OR2C1: variants seen among roughly 807,000 people sequenced by gnomAD.
OR2C1 encodes olfactory receptor family 2 subfamily C member 1.
For synonymous variants in OR2C1, 209 were observed against 167.3 expected, an observed-to-expected ratio of 1.25 and a Z score of -1.92; for missense variants, 468 against 388.3, an observed-to-expected ratio of 1.21 and a Z score of -1.73.
At chr16:3,353,630 G>A (rs139812824), upstream of OR2C1, among the ~76,000 whole-genome samples, 1,751 of 151,794 alleles carry the variant, frequency 0.012, 31 homozygotes, top group African/African-American at 0.04. Context: ...GTGAAACCCC[G>A]CCTCTACTAA....
the OR2C1 span, among the ~76,000 whole-genome samples, chr16:3,327,858 TC>T: frequency 6.6e-6 from 1 of 151,988 alleles, no homozygotes; most frequent in African/African-American, 2.4e-5. Flanking sequence ...ATTTTTTTTT[TC>T]TTGAAACAAT....
chr16:3,325,930 C>CTT, the OR2C1 span, among the ~76,000 whole-genome samples: 472 of 127,960 alleles, frequency 3.7e-3, 6 homozygotes, highest in African/African-American at 0.013. Context: ...CAAGTGCATT[C>CTT]TTTTTTTTTT....
chr16:3,358,116 T>C (rs1181609917), downstream of OR2C1, among the ~76,000 whole-genome samples: 2 of 151,694 alleles, frequency 1.3e-5, no homozygotes, highest in Non-Finnish European at 1.5e-5. Context: ...TATTATTTAA[T>C]AATAAAAGAT....
At chr16:3,338,258 ACT>A in the OR2C1 span, among the ~76,000 whole-genome samples, 1 of 151,984 alleles carries the variant, frequency 6.6e-6, no homozygotes, top group African/African-American at 2.4e-5. Context: ...ACCCTCTTTG[ACT>A]CTGACATTTC....
the OR2C1 span, among the ~76,000 whole-genome samples, chr16:3,336,703 TCTTTCTTTC>T: frequency 1.5e-5 from 1 of 68,446 alleles, no homozygotes; most frequent in Non-Finnish European, 3.2e-5. Context: ...TTCTTTTCTT[TCTTTCTTTC>T]TTTTTTTTTT....
At chr16:3,333,137 T>C in the OR2C1 span, among the ~76,000 whole-genome samples, 468 of 151,808 alleles carry the variant, frequency 3.1e-3, 3 homozygotes, top group Non-Finnish European at 4.9e-3. Flanking sequence ...TTGATGATAT[T>C]GAACATTTTT....
At chr16:3,326,654 C>T in the OR2C1 span, among the ~76,000 whole-genome samples, 3 of 152,192 alleles carry the variant, frequency 2.0e-5, no homozygotes, top group Non-Finnish European at 4.4e-5. Flanking sequence ...GTGACCCAAC[C>T]TCAGTAAGAG....
chr16:3,352,519 G>T (rs1160715561), upstream of OR2C1, among the ~76,000 whole-genome samples: 1 of 152,094 alleles, frequency 6.6e-6, no homozygotes, highest in Admixed American at 6.6e-5. Flanking sequence ...TCTCTTAGAA[G>T]TAATAATTTA....
At chr16:3,324,620 T>C in the OR2C1 span, among the ~76,000 whole-genome samples, 1 of 152,144 alleles carries the variant, frequency 6.6e-6, no homozygotes, top group Non-Finnish European at 1.5e-5. Flanking sequence ...CGTATGTTTG[T>C]TTTATAAATA....
At chr16:3,342,410 G>A in the OR2C1 span, among the ~76,000 whole-genome samples, 10 of 152,026 alleles carry the variant, frequency 6.6e-5, no homozygotes, top group Admixed American at 6.6e-5. Flanking sequence ...AGTTTATCTC[G>A]ACTGGCCTAA....
the OR2C1 span, among the ~76,000 whole-genome samples, chr16:3,330,858 C>T: frequency 8.1e-4 from 123 of 152,276 alleles, 1 homozygote; most frequent in African/African-American, 2.9e-3. Context: ...CATCCTGCCT[C>T]AACCTCCTGA....
At chr16:3,350,218 G>C in the OR2C1 span, among the ~76,000 whole-genome samples, 5 of 151,260 alleles carry the variant, frequency 3.3e-5, no homozygotes, top group East Asian at 8.0e-4. Flanking sequence ...ACCACGCCCG[G>C]CTAATTTTTG....
At chr16:3,348,165 T>C in the OR2C1 span, among the ~76,000 whole-genome samples, 1 of 152,120 alleles carries the variant, frequency 6.6e-6, no homozygotes, top group South Asian at 2.1e-4. Flanking sequence ...CAAACACTAA[T>C]AGACCAAATG....
At chr16:3,355,888 C>T, upstream of OR2C1, 2 of 1,368,668 alleles carry the variant, frequency 1.5e-6, no homozygotes, top group South Asian at 2.7e-5. Flanking sequence ...CTTGACTTTT[C>T]TTCCAGCAGC....
At chr16:3,346,489 A>G in the OR2C1 span, among the ~76,000 whole-genome samples, 46 of 152,294 alleles carry the variant, frequency 3.0e-4, no homozygotes, top group African/African-American at 1.0e-3. Flanking sequence ...CCAGTGTTCC[A>G]GCAACCTCAA....
the OR2C1 span, among the ~76,000 whole-genome samples, chr16:3,339,559 A>C: frequency 1.3e-5 from 2 of 152,042 alleles, no homozygotes; most frequent in African/African-American, 2.4e-5. Flanking sequence ...TGGGTTTACG[A>C]CATTCTCCTA....
chr16:3,325,150 T>A, the OR2C1 span, among the ~76,000 whole-genome samples: 2 of 151,994 alleles, frequency 1.3e-5, no homozygotes, highest in African/African-American at 4.8e-5. Context: ...CCCAGCTAAT[T>A]TTTTTATTTT....
the OR2C1 span, among the ~76,000 whole-genome samples, chr16:3,339,725 G>C: frequency 6.6e-6 from 1 of 152,010 alleles, no homozygotes; most frequent in African/African-American, 2.4e-5. Flanking sequence ...CAAAGTGTTG[G>C]GATTACAGGC....
the OR2C1 span, among the ~76,000 whole-genome samples, chr16:3,325,464 T>A: frequency 1.6e-3 from 11 of 7,008 alleles, no homozygotes; most frequent in African/African-American, 4.5e-3. Flanking sequence ...TCTAAAAATA[T>A]ATATATATAT....
Sources: allele counts gnomAD v4.1 joint callset (sites outside exome capture counted in the v4.1 genomes callset), GRCh38; gene constraint gnomAD v4.1.1; transcripts MANE v1.5; gene names NCBI Gene and HGNC (gene_info 2026-07-23, HGNC 2026-07-21).